SPEN: variants seen among roughly 807,000 people sequenced by gnomAD.
The protein encoded by SPEN is msx2-interacting protein.
Under a neutral mutation model 269.9 loss-of-function variants are expected in SPEN, and 18 were observed. The ratio of observed to expected loss-of-function variants is 0.07; its 90% CI spans 0.05 to 0.10. The LOEUF is 0.10. Ranked by LOEUF, SPEN falls within the 10% of genes least tolerant of loss-of-function variation. The pLI is 1.00. For missense variants in SPEN, 3,822 were observed against 4,631.2 expected, an observed-to-expected ratio of 0.83 and a Z score of 5.07; for synonymous variants, 1,726 against 1,765.7, an observed-to-expected ratio of 0.98 and a Z score of 0.56.
Position 15,936,009 on chromosome 1 carries a change from C to A in SPEN, c.9769C>A (p.Pro3257Thr). ...PAPVPVPVPL[P>T]APAPAPHGEA... ...CCCCGTCCCTGTCCCTGTCCCCCTT[C>A]CTGCCCCTGCTCCTGCCCCTCATGG... The change falls in exon 11 of 15, where the codon CCT (proline) becomes ACT (threonine). Residue 3257 changes from proline to threonine, a missense_variant. Coordinates refer to ENST00000375759, the MANE Select transcript of SPEN (RefSeq NM_015001.3). 6.4e-7 allele frequency: 1 copy of A among 1,557,500 alleles called. No individual in the cohort carries two copies. Among genetic ancestry groups the A allele is most frequent in the South Asian group, 1.2e-5 (1 of 86,926 alleles).
chr1:15,873,436 A>G (rs562620208), intron 2 of SPEN: 75 of 1,096,112 alleles, frequency 6.8e-5, no homozygotes, highest in African/African-American at 2.6e-4. Context: ...TCTCTTGGAT[A>G]ATGTTAAGTC....
intron 6 of SPEN, among the ~76,000 whole-genome samples, chr1:15,918,303 C>G (rs551279206): frequency 2.6e-5 from 4 of 152,376 alleles, no homozygotes; most frequent in South Asian, 2.1e-4. Context: ...ACCGCAACCT[C>G]TGCCTCCCGG....
chr1:15,849,318 A>G (rs1292212307), intron 1 of SPEN, among the ~76,000 whole-genome samples: 2 of 152,244 alleles, frequency 1.3e-5, no homozygotes, highest in African/African-American at 2.4e-5. Context: ...ATGAGTCACC[A>G]TGGGAAAAAT....
intron 8 of SPEN, among the ~76,000 whole-genome samples, chr1:15,920,160 C>T (rs1198591847): frequency 6.6e-6 from 1 of 152,098 alleles, no homozygotes; most frequent in African/African-American, 2.4e-5. Flanking sequence ...ACCTCCGCCT[C>T]CCAGGTTCAA....
chr1:15,899,928 C>T (rs1277889147), intron 3 of SPEN, among the ~76,000 whole-genome samples: 1 of 152,012 alleles, frequency 6.6e-6, no homozygotes, highest in African/African-American at 2.4e-5. Flanking sequence ...TCACTGCAAC[C>T]TCTGCCTCCC....
At chr1:15,878,594 C>A (rs764616701) in intron 3 of SPEN, among the ~76,000 whole-genome samples, 2 of 152,166 alleles carry the variant, frequency 1.3e-5, no homozygotes, top group Admixed American at 1.3e-4. Context: ...ATTATAAAAT[C>A]TTGTTCCACT....
rs772372752 is a variant in SPEN at position 15,876,398 on chromosome 1, T to C, written c.601T>C (p.Tyr201His). The change falls in exon 3 of 15, where the codon TAT becomes CAT. Residue 201 changes from tyrosine (Y) to histidine (H), a missense_variant. Coordinates refer to ENST00000375759, the MANE Select transcript of SPEN (RefSeq NM_015001.3). ...PNRFDAHDPR[Y>H]EPRAREQFTL... ...TCGCTTTGATGCTCATGACCCCCGA[T>C]ATGAACCTAGGGCTCGCGAGCAGTT... 2 of 1,614,042 alleles carry C rather than the reference T, an allele frequency of 1.2e-6. No individual in the cohort carries two copies. Among genetic ancestry groups the C allele is most frequent in the Non-Finnish European group, 1.7e-6 (2 of 1,180,010 alleles).
intron 3 of SPEN, among the ~76,000 whole-genome samples, chr1:15,905,193 CATTTTTATTTTT>C (rs1036979680): frequency 1.1e-4 from 17 of 150,018 alleles, no homozygotes; most frequent in East Asian, 4.0e-4. Flanking sequence ...CAGCCATCTC[CATTTTTATTTTT>C]ATTTTTATTT....
Position 15,928,911 on chromosome 1 carries a change from A to G in SPEN, c.2671A>G (p.Ile891Val). 1 of 1,614,252 alleles carries G rather than the reference A, an allele frequency of 6.2e-7. No homozygotes were observed. The highest frequency in any genetic ancestry group is 8.5e-7 in the Non-Finnish European group (1 of 1,180,044). The change falls in exon 11 of 15, where the codon ATT (isoleucine) becomes GTT (valine). Residue 891 changes from isoleucine (I) to valine (V), a missense_variant. Coordinates refer to ENST00000375759, the MANE Select transcript of SPEN (RefSeq NM_015001.3). This position sits in a 1 kb window ranked among gnomAD's most constrained non-coding sequence, Gnocchi z 5.7. ...AGTGAAAGAGAAAGAGGGAAAGGTC[A>G]TTGACCACACTCCTGTGGAAAAGTT... Reference protein sequence around the residue: ...TRVKEKEGKVIDHTPVEKLKA... With the variant: ...TRVKEKEGKVVDHTPVEKLKA...
At chr1:15,900,299 C>T (rs2070887355) in intron 3 of SPEN, among the ~76,000 whole-genome samples, 1 of 152,150 alleles carries the variant, frequency 6.6e-6, no homozygotes, top group South Asian at 2.1e-4. Context: ...AAACTACCAC[C>T]TTCAGGCCCT....
At chr1:15,878,473 C>A (rs1448972323) in intron 3 of SPEN, among the ~76,000 whole-genome samples, 1 of 152,162 alleles carries the variant, frequency 6.6e-6, no homozygotes, top group African/African-American at 2.4e-5. Context: ...ACGTTCTATG[C>A]CCAGCTTTCA....
intron 6 of SPEN, among the ~76,000 whole-genome samples, chr1:15,916,632 T>C (rs1273118678): frequency 1.3e-5 from 2 of 151,436 alleles, no homozygotes; most frequent in African/African-American, 4.9e-5. Context: ...CATCTCTCAG[T>C]CTCCTGAGTA....
chr1:15,891,251 A>G (rs890341649), intron 3 of SPEN, among the ~76,000 whole-genome samples: 61 of 152,116 alleles, frequency 4.0e-4, no homozygotes, highest in African/African-American at 1.3e-3. Flanking sequence ...TGGTGGTGCA[A>G]TCATGGCTCA....
intron 1 of SPEN, among the ~76,000 whole-genome samples, chr1:15,850,230 A>G (rs1156489493): frequency 6.6e-6 from 1 of 152,180 alleles, no homozygotes; most frequent in African/African-American, 2.4e-5. Flanking sequence ...GGAAAGCGGC[A>G]GTCTGGAGGA....
Position 15,933,152 on chromosome 1 carries a change from T to C in SPEN, c.6912T>C (p.Asn2304=). 1 of 1,614,044 alleles carries C rather than the reference T, an allele frequency of 6.2e-7. No individual in the cohort carries two copies. The highest frequency in any genetic ancestry group is 1.1e-5 in the South Asian group (1 of 91,078). Residue 2304 remains asparagine (N), a synonymous_variant, in exon 11 of 15, where the codon AAT becomes AAC. Transcript: ENST00000375759. The surrounding 1 kb of genome is among the most constrained non-coding windows in gnomAD (Gnocchi z 5.7). ...CAGATACCAAGGAAGCCAGAGGAAA[T>C]AGCAGTGAAACCTCACACTCAGTGC... The part of the protein sequence containing the change: ...GPTDTKEARG[N]SSETSHSVPE...
intron 5 of SPEN, among the ~76,000 whole-genome samples, chr1:15,914,439 C>T (rs2071038364): frequency 6.6e-6 from 1 of 152,134 alleles, no homozygotes; most frequent in Non-Finnish European, 1.5e-5. Context: ...ATCAACAAAA[C>T]CTTGAGCGTT....
At chr1:15,860,899 CTTTTGTTTTG>C (rs768720695) in intron 1 of SPEN, among the ~76,000 whole-genome samples, 6 of 151,450 alleles carry the variant, frequency 4.0e-5, no homozygotes, top group African/African-American at 1.5e-4. Flanking sequence ...TGTGCCCGGA[CTTTTGTTTTG>C]TTTTGTTTTG....
chr1:15,898,185 G>A (rs1570021752), intron 3 of SPEN, among the ~76,000 whole-genome samples: 1 of 125,150 alleles, frequency 8.0e-6, no homozygotes, highest in Non-Finnish European at 1.8e-5. Flanking sequence ...GTGTGTGTGT[G>A]TGTGTGTGTG....
Position 15,939,686 on chromosome 1 carries a change from TTC to T in SPEN, c.*263_*264del. ...GGACTCGCAGACACCGGGGCTGGGT[TTC>T]TCTTTCCTCTTTTTGGAGAAAAGGA... On this transcript the variant is annotated 3_prime_UTR_variant, in exon 15 of 15. Coordinates refer to ENST00000375759, the MANE Select transcript of SPEN (RefSeq NM_015001.3). This position sits in a 1 kb window ranked among gnomAD's most constrained non-coding sequence, Gnocchi z 4.1. 1 of 349,902 alleles carries T rather than the reference TTC, an allele frequency of 2.9e-6. No individual in the cohort carries two copies. The highest frequency in any genetic ancestry group is 1.3e-4 in the South Asian group (1 of 7,426). 21.7% of individuals were successfully genotyped at this position (349,902 alleles called of 1,614,324 possible). A position where few individuals can be genotyped will look rare whatever the true frequency, so the allele number is the denominator to read the frequency against.
Sources: gnomAD v4.1 joint callset for allele counts (sites outside exome capture counted in the v4.1 genomes callset) on GRCh38, gnomAD v4.1.1 for gene constraint, Gnocchi (gnomAD v3.1) non-coding constraint, MANE v1.5 for transcripts, NCBI Gene and HGNC (gene_info 2026-07-23, HGNC 2026-07-21) for gene names.